CNTN3: variants seen among roughly 807,000 people sequenced by gnomAD.
CNTN3 encodes contactin-3.
Under a neutral mutation model 119.1 loss-of-function variants are expected in CNTN3, and 60 were observed. The observed-to-expected ratio is 0.50, with a 90% CI of 0.41 to 0.62. The LOEUF is 0.62. Among genes scored for constraint, CNTN3 ranks in the 20% least tolerant of loss-of-function variants. The probability of loss-of-function intolerance (pLI) is 0.00; values close to 1 mark genes in which losing one functional copy is unlikely to be tolerated. For missense variants in CNTN3, 1,101 were observed against 1,242.4 expected, an observed-to-expected ratio of 0.89 and a Z score of 1.71; for synonymous variants, 450 against 438.7, an observed-to-expected ratio of 1.03 and a Z score of -0.32.
At chr3:74,543,216 A>G (rs1703866461) in intron 1 of CNTN3, among the ~76,000 whole-genome samples, 1 of 152,196 alleles carries the variant, frequency 6.6e-6, no homozygotes, top group South Asian at 2.1e-4. Context: ...TAGGATATAA[A>G]CAATCAAGAT....
At chr3:74,556,967 G>T (rs946649121) in intron 1 of CNTN3, among the ~76,000 whole-genome samples, 3 of 152,062 alleles carry the variant, frequency 2.0e-5, no homozygotes, top group African/African-American at 7.2e-5. Flanking sequence ...CAAATCCTTT[G>T]TCCAGTTTTC....
At chr3:74,553,530 G>A (rs552324541) in intron 1 of CNTN3, among the ~76,000 whole-genome samples, 54 of 152,262 alleles carry the variant, frequency 3.5e-4, no homozygotes, top group African/African-American at 1.2e-3. Flanking sequence ...CACAATGGTT[G>A]AACTAATTTA....
intron 20 of CNTN3, among the ~76,000 whole-genome samples, chr3:74,281,506 CTT>C (rs1271309703): frequency 6.6e-6 from 1 of 151,840 alleles, no homozygotes; most frequent in African/African-American, 2.4e-5. Flanking sequence ...GGTTAATTCT[CTT>C]ATATTTTTCT....
intron 4 of CNTN3, among the ~76,000 whole-genome samples, chr3:74,458,420 A>G (rs1702307816): frequency 6.6e-6 from 1 of 152,036 alleles, no homozygotes; most frequent in Admixed American, 6.6e-5. Flanking sequence ...AAATCAAAGG[A>G]ATAACTTTTC....
chr3:74,409,228 G>T (rs1701397116), intron 5 of CNTN3, among the ~76,000 whole-genome samples: 1 of 152,214 alleles, frequency 6.6e-6, no homozygotes, highest in South Asian at 2.1e-4. Flanking sequence ...GCAAGACTTA[G>T]CCAATCATGA....
chr3:74,440,028 C>T (rs1701935298), intron 4 of CNTN3, among the ~76,000 whole-genome samples: 2 of 152,154 alleles, frequency 1.3e-5, no homozygotes, highest in African/African-American at 2.4e-5. Context: ...ATAAATGAGA[C>T]AAAGCTTTTA....
intron 2 of CNTN3, among the ~76,000 whole-genome samples, chr3:74,512,959 A>C (rs558704978): frequency 4.3e-4 from 65 of 152,132 alleles, no homozygotes; most frequent in Non-Finnish European, 7.8e-4. Flanking sequence ...GATAAGAATG[A>C]AAAGTTCTAT....
intron 1 of CNTN3, among the ~76,000 whole-genome samples, chr3:74,544,029 A>G (rs148250124): frequency 3.3e-5 from 5 of 152,238 alleles, no homozygotes; most frequent in Non-Finnish European, 7.3e-5. Context: ...CCAATCTGCA[A>G]TGGAGGAGTT....
At chr3:74,613,458 C>G (rs1705116115) in intron 1 of CNTN3, among the ~76,000 whole-genome samples, 1 of 152,224 alleles carries the variant, frequency 6.6e-6, no homozygotes, top group African/African-American at 2.4e-5. Context: ...ACCCCTTTCC[C>G]AGAGCTCTGT....
intron 13 of CNTN3, among the ~76,000 whole-genome samples, chr3:74,314,156 T>C (rs975272387): frequency 3.9e-5 from 6 of 152,048 alleles, no homozygotes; most frequent in African/African-American, 9.7e-5. Flanking sequence ...TATTTAGACA[T>C]AGCAACATGC....
rs1298878810 is a variant in CNTN3, at chr3:74,548,659, T to A, written c.-80-27467A>T. Among the ~76,000 whole-genome samples, 3 of 151,574 alleles carry A rather than the reference T, an allele frequency of 2.0e-5. No individual in the cohort carries two copies. The East Asian group carries it at 5.8e-4, about 29-fold the overall frequency. ...AACTGACTTTAAGTGGAACAATACA[T>A]AATGAAACCATTATTTTTTTCATCA... On this transcript the variant is annotated intron_variant, in intron 1 of 22. Coordinates refer to ENST00000263665, the MANE Select transcript of CNTN3 (RefSeq NM_020872.3).
At chr3:74,319,749 A>T (rs1419352404) in intron 13 of CNTN3, among the ~76,000 whole-genome samples, 3 of 151,414 alleles carry the variant, frequency 2.0e-5, no homozygotes, top group African/African-American at 7.3e-5. Context: ...ATGGGAAAAA[A>T]TTTTCGCAAC....
intron 6 of CNTN3, among the ~76,000 whole-genome samples, chr3:74,370,796 T>C (rs2106790795): frequency 6.6e-6 from 1 of 152,130 alleles, no homozygotes; most frequent in Non-Finnish European, 1.5e-5. Context: ...TTTTAGCCTA[T>C]AACAAAATAT....
chr3:74,597,571 T>C (rs1704834018), intron 1 of CNTN3, among the ~76,000 whole-genome samples: 2 of 152,044 alleles, frequency 1.3e-5, no homozygotes, highest in Admixed American at 6.6e-5. Context: ...GCAGCACTCA[T>C]ATAGGAAGAA....
intron 13 of CNTN3, among the ~76,000 whole-genome samples, chr3:74,315,934 C>A (rs1254901161): frequency 3.3e-5 from 5 of 152,118 alleles, no homozygotes; most frequent in African/African-American, 9.7e-5. Context: ...TTAATACTGG[C>A]CTTGGCAAAT....
intron 1 of CNTN3, among the ~76,000 whole-genome samples, chr3:74,591,752 G>T (rs1478193207): frequency 6.6e-6 from 1 of 151,906 alleles, no homozygotes; most frequent in Non-Finnish European, 1.5e-5. Flanking sequence ...AAAGGGTAAG[G>T]CAAGAAGCTA....
chr3:74,281,974 T>C (rs1702022415), intron 20 of CNTN3, among the ~76,000 whole-genome samples: 1 of 152,218 alleles, frequency 6.6e-6, no homozygotes, highest in African/African-American at 2.4e-5. Context: ...TCCTACAGAT[T>C]ATCTCTTGCA....
At chr3:74,411,961 G>T (rs1249796414) in intron 5 of CNTN3, among the ~76,000 whole-genome samples, 3 of 152,144 alleles carry the variant, frequency 2.0e-5, no homozygotes, top group Non-Finnish European at 4.4e-5. Context: ...TGAAAACATT[G>T]CATATGTTAG....
At chr3:74,604,642 T>C (rs1412522624) in intron 1 of CNTN3, among the ~76,000 whole-genome samples, 8 of 152,046 alleles carry the variant, frequency 5.3e-5, no homozygotes, top group Admixed American at 2.6e-4. Flanking sequence ...ACAGGTATTA[T>C]CAAAAAGACA....
Sources: gnomAD v4.1 joint callset for allele counts (sites outside exome capture counted in the v4.1 genomes callset) on GRCh38, gnomAD v4.1.1 for gene constraint, MANE v1.5 for transcripts, NCBI Gene and HGNC (gene_info 2026-07-23, HGNC 2026-07-21) for gene names.